The following PSMA1 variants were observed in gnomAD, a reference collection of about 807,000 sequenced individuals.
PSMA1 encodes proteasome 20S subunit alpha 1.
A neutral mutation model predicts 38.4 loss-of-function variants in PSMA1; 3 were observed. The observed-to-expected ratio is 0.08, with a 90% confidence interval of 0.04 to 0.20. The LOEUF is 0.20. Ranked by LOEUF, PSMA1 falls within the 10% of genes least tolerant of loss-of-function variation. The probability of loss-of-function intolerance (pLI) is 1.00; values close to 1 mark genes in which losing one functional copy is unlikely to be tolerated. For missense variants in PSMA1, 227 were observed against 325.3 expected, an observed-to-expected ratio of 0.70 and a Z score of 2.32; for synonymous variants, 101 against 107.1, an observed-to-expected ratio of 0.94 and a Z score of 0.35.
intron 9 of PSMA1, among the ~76,000 whole-genome samples, chr11:14,505,688 G>A (rs542340523): frequency 5.3e-5 from 8 of 152,134 alleles, no homozygotes; most frequent in African/African-American, 7.2e-5. Context: ...TAGGTATGCC[G>A]AATGCATAAA....
intron 2 of PSMA1, among the ~76,000 whole-genome samples, chr11:14,553,613 TTTC>T (rs566297962): frequency 9.1e-4 from 138 of 152,280 alleles, no homozygotes; most frequent in African/African-American, 3.2e-3. Context: ...TCAGCATAAT[TTTC>T]TTGAGACTCA....
chr11:14,535,432 TTTTC>T (rs1010546290), intron 2 of PSMA1, among the ~76,000 whole-genome samples: 9 of 151,818 alleles, frequency 5.9e-5, no homozygotes, highest in Middle Eastern at 3.4e-3. Flanking sequence ...GAAAATTTCT[TTTTC>T]TTTCTTTCTT....
At chr11:14,524,616 T>C (rs1428241228), upstream of PSMA1, among the ~76,000 whole-genome samples, 1 of 152,172 alleles carries the variant, frequency 6.6e-6, no homozygotes, top group East Asian at 1.9e-4. Flanking sequence ...TCAGCCCGTC[T>C]GCACCCAGGT....
At chr11:14,533,603 A>G (rs1851672832) in intron 2 of PSMA1, among the ~76,000 whole-genome samples, 1 of 150,910 alleles carries the variant, frequency 6.6e-6, no homozygotes. Flanking sequence ...TTTTTAATAG[A>G]AACGGGGTCT....
intron 2 of PSMA1, 148 bp downstream of exon 2, chr11:14,518,849 A>C: frequency 1.6e-6 from 1 of 642,584 alleles, no homozygotes; most frequent in Non-Finnish European, 2.6e-6. Flanking sequence ...GTCCATCAGG[A>C]AACCTATTTT....
chr11:14,505,118 T>C lies in PSMA1; in HGVS notation c.*74A>G. The C allele has an allele frequency of 1.5e-6, 2 of 1,362,266 alleles. No individual in the cohort carries two copies. The highest frequency in any genetic ancestry group is 2.1e-6 in the Non-Finnish European group (2 of 952,956). The allele number at this position is 1,362,266 out of a possible 1,614,324, so 84.4% of individuals were successfully genotyped here. On this transcript the variant is annotated 3_prime_UTR_variant, in exon 10 of 10. Coordinates refer to ENST00000396394, the MANE Select transcript of PSMA1 (RefSeq NM_002786.4). ...ACTCTGCAACTTTTGGTTCAAAGTA[T>C]AGATTATTGTCATCAGTATGTGGTG...
At chr11:14,617,965 C>T (rs554543186) in intron 1 of PSMA1, among the ~76,000 whole-genome samples, 78 of 152,182 alleles carry the variant, frequency 5.1e-4, no homozygotes, top group African/African-American at 1.9e-3. Context: ...TGACTTTGGC[C>T]AGATTATGTT....
At chr11:14,639,702 C>T (rs975232858) in intron 1 of PSMA1, among the ~76,000 whole-genome samples, 3 of 152,232 alleles carry the variant, frequency 2.0e-5, no homozygotes, top group Non-Finnish European at 4.4e-5. Flanking sequence ...CCATAGGATA[C>T]TTGAGTTATC....
At chr11:14,513,982 TTAA>T in intron 5 of PSMA1, 95 bp from the exon 6 acceptor site, 11 of 1,400,496 alleles carry the variant, frequency 7.9e-6, no homozygotes, top group Non-Finnish European at 1.0e-5. Flanking sequence ...GGCTTATTCT[TTAA>T]TTGTTGCATA....
intron 1 of PSMA1, among the ~76,000 whole-genome samples, chr11:14,632,561 T>G (rs1369228155): frequency 1.4e-4 from 21 of 151,316 alleles, no homozygotes; most frequent in African/African-American, 4.9e-4. Flanking sequence ...GGCTTCCCTT[T>G]GAGGGTAACC....
chr11:14,587,721 A>G (rs556078740), intron 2 of PSMA1, among the ~76,000 whole-genome samples: 4 of 151,930 alleles, frequency 2.6e-5, no homozygotes, highest in Non-Finnish European at 4.4e-5. Flanking sequence ...TAAGTTACTT[A>G]ATTTCATTCT....
At chr11:14,558,249 C>CAAAAAAAAA (rs35509045) in intron 2 of PSMA1, among the ~76,000 whole-genome samples, 3 of 78,052 alleles carry the variant, frequency 3.8e-5, no homozygotes, top group African/African-American at 5.0e-5. Context: ...CCCATCTGCA[C>CAAAAAAAAA]AAAAAAAAAA....
At chr11:14,585,732 G>C (rs1852337780) in intron 2 of PSMA1, among the ~76,000 whole-genome samples, 1 of 152,124 alleles carries the variant, frequency 6.6e-6, no homozygotes, top group South Asian at 2.1e-4. Flanking sequence ...GCTCATGCTA[G>C]CTCTGTGATC....
At chr11:14,592,384 A>C (rs866566642) in intron 2 of PSMA1, among the ~76,000 whole-genome samples, 6,865 of 130,332 alleles carry the variant, frequency 0.053, 219 homozygotes, top group African/African-American at 0.11. Flanking sequence ...CTCTATATAT[A>C]TATATATATA....
Position 14,550,502 on chromosome 11 carries a change from T to G in PSMA1, c.22-31461A>C, listed in dbSNP as rs553271287. 3.7e-3 allele frequency among the ~76,000 whole-genome samples: 568 copies of G among 152,284 alleles called. 11 individuals are homozygous for G. Among genetic ancestry groups the G allele is most frequent in the Non-Finnish European group, 2.6e-3 (176 of 68,036 alleles). On this transcript the variant is annotated intron_variant, in intron 2 of 10. Coordinates refer to the PSMA1 transcript ENST00000418988. ...ACTCATAAAGCCAGTTGCCTGGTAT[T>G]TTTTCTTGGCTTTACTGGACATAAT...
exon 2 of PSMA1, chr11:14,611,035 C>G: frequency 6.3e-7 from 1 of 1,576,596 alleles, no homozygotes; most frequent in South Asian, 1.1e-5. Flanking sequence ...CAACATAGGT[C>G]TGGATTTGAC....
chr11:14,595,990 G>T (rs929524217), intron 2 of PSMA1, among the ~76,000 whole-genome samples: 2 of 152,068 alleles, frequency 1.3e-5, no homozygotes, highest in Non-Finnish European at 2.9e-5. Context: ...CACCATTTAT[G>T]AAATAGAGAA....
chr11:14,513,734 T>C (rs74663003), intron 6 of PSMA1, 35 bp from the exon 7 acceptor site: 1 of 1,553,074 alleles, frequency 6.4e-7, no homozygotes, highest in South Asian at 1.2e-5. Context: ...CATAATTATT[T>C]ACTTTGGTTG....
intron 2 of PSMA1, among the ~76,000 whole-genome samples, chr11:14,595,957 A>G (rs1420952754): frequency 3.9e-5 from 6 of 152,212 alleles, no homozygotes; most frequent in Non-Finnish European, 5.9e-5. Flanking sequence ...AGCTTTCTAT[A>G]TATGGCTAGC....
Sources: allele counts gnomAD v4.1 joint callset (sites outside exome capture counted in the v4.1 genomes callset), GRCh38; gene constraint gnomAD v4.1.1; transcripts MANE v1.5; gene names NCBI Gene and HGNC (gene_info 2026-07-23, HGNC 2026-07-21).